SRD5A2: variants seen among roughly 807,000 people sequenced by gnomAD.
SRD5A2 encodes the protein steroid 5 alpha-reductase 2.
A neutral mutation model predicts 27.4 loss-of-function variants in SRD5A2; 30 were observed. That is an observed-to-expected ratio of 1.10 (90% CI 0.82 to 1.49). The LOEUF is 1.49. Ranked by LOEUF, SRD5A2 falls within the 40% of genes most tolerant of loss-of-function variation. The pLI is 0.00. For missense variants in SRD5A2, 348 were observed against 323.4 expected, an observed-to-expected ratio of 1.08 and a Z score of -0.58; for synonymous variants, 141 against 133.6, an observed-to-expected ratio of 1.06 and a Z score of -0.38.
chr2:31,617,877 C>T, the SRD5A2 span, among the ~76,000 whole-genome samples: 3 of 152,212 alleles, frequency 2.0e-5, no homozygotes, highest in Non-Finnish European at 4.4e-5. Flanking sequence ...TTGAGCCCTC[C>T]AAACTATTTC....
upstream of SRD5A2, among the ~76,000 whole-genome samples, chr2:31,584,752 G>A (rs1469631290): frequency 6.6e-6 from 1 of 152,194 alleles, no homozygotes; most frequent in Non-Finnish European, 1.5e-5. Context: ...GCAAGATGGT[G>A]GAATAGAAGG....
At chr2:31,610,769 G>A in the SRD5A2 span, among the ~76,000 whole-genome samples, 2 of 152,240 alleles carry the variant, frequency 1.3e-5, no homozygotes, top group East Asian at 1.9e-4. Flanking sequence ...TATAAGAACT[G>A]ATAAACAAAT....
At chr2:31,582,988 C>T (rs774783673), upstream of SRD5A2, among the ~76,000 whole-genome samples, 10 of 152,308 alleles carry the variant, frequency 6.6e-5, no homozygotes, top group Non-Finnish European at 1.5e-4. Context: ...TCCGACTCTG[C>T]CCACTTTTTG....
At chr2:31,640,243 G>T in the SRD5A2 span, among the ~76,000 whole-genome samples, 1 of 150,346 alleles carries the variant, frequency 6.7e-6, no homozygotes, top group African/African-American at 2.4e-5. Flanking sequence ...TTTTTGAATT[G>T]CTTTTCTGTG....
At position 31,556,604 on chromosome 2, in the gene SRD5A2, G is replaced by C. The variant is rs566984404; in HGVS notation, c.282-22838C>G. The stretch of plus-strand genomic sequence containing the variant: ...AGATGAAGCAAAGAGAGATGTGACC[G>C]CAAGCCAAGGAATGCCAATAGCCAC... On this transcript the variant is annotated intron_variant, in intron 1 of 4. Coordinates refer to ENST00000622030, the MANE Select transcript of SRD5A2 (RefSeq NM_000348.4). 1.7e-4 allele frequency among the ~76,000 whole-genome samples: 26 copies of C among 152,246 alleles called. 2 individuals are homozygous for C. The South Asian group carries it at 3.7e-3, about 22-fold the overall frequency.
At chr2:31,633,592 T>C in the SRD5A2 span, among the ~76,000 whole-genome samples, 1 of 152,198 alleles carries the variant, frequency 6.6e-6, no homozygotes, top group South Asian at 2.1e-4. Flanking sequence ...GGCCTGCTAT[T>C]CCATACTCCG....
intron 1 of SRD5A2, among the ~76,000 whole-genome samples, chr2:31,548,194 C>A (rs1666303307): frequency 6.6e-6 from 1 of 152,076 alleles, no homozygotes; most frequent in Non-Finnish European, 1.5e-5. Flanking sequence ...GCAGTGATTT[C>A]TTGGATATGC....
At chr2:31,621,889 C>T in the SRD5A2 span, among the ~76,000 whole-genome samples, 1 of 152,018 alleles carries the variant, frequency 6.6e-6, no homozygotes, top group Non-Finnish European at 1.5e-5. Flanking sequence ...GTAATTCTCC[C>T]ACCCCCGCCT....
chr2:31,531,574 T>C (rs368057760), intron 2 of SRD5A2, 102 bp from the exon 3 acceptor site: 205 of 589,680 alleles, frequency 3.5e-4, no homozygotes, highest in Middle Eastern at 9.9e-4. Flanking sequence ...GCATTTAATT[T>C]CTAAATCTAA....
intron 1 of SRD5A2, among the ~76,000 whole-genome samples, chr2:31,558,734 C>A (rs1474959468): frequency 6.6e-6 from 1 of 152,048 alleles, no homozygotes; most frequent in Admixed American, 6.6e-5. Context: ...TTATTGTACC[C>A]CAATTGCCTA....
At chr2:31,571,838 G>A (rs887638858) in intron 1 of SRD5A2, among the ~76,000 whole-genome samples, 1 of 152,144 alleles carries the variant, frequency 6.6e-6, no homozygotes, top group East Asian at 1.9e-4. Context: ...ACATCAATCA[G>A]AATAGCTACT....
chr2:31,646,460 T>G, the SRD5A2 span, among the ~76,000 whole-genome samples: 2 of 151,884 alleles, frequency 1.3e-5, no homozygotes, highest in Admixed American at 1.3e-4. Context: ...TCAGGAAAAA[T>G]GAAGGAGGAA....
the SRD5A2 span, among the ~76,000 whole-genome samples, chr2:31,594,990 T>C: frequency 6.6e-6 from 1 of 152,122 alleles, no homozygotes; most frequent in African/African-American, 2.4e-5. Context: ...AAACGGAAAT[T>C]TTTTAAATTC....
chr2:31,635,604 G>C, the SRD5A2 span, among the ~76,000 whole-genome samples: 1 of 151,864 alleles, frequency 6.6e-6, no homozygotes, highest in African/African-American at 2.4e-5. Context: ...CTGTACTTTT[G>C]AGGTGTTATG....
chr2:31,642,908 G>A, the SRD5A2 span, among the ~76,000 whole-genome samples: 1 of 151,934 alleles, frequency 6.6e-6, no homozygotes, highest in African/African-American at 2.4e-5. Context: ...TAGACATTAT[G>A]CTATGTATGC....
rs958009958 is a variant in SRD5A2 at position 31,523,821 on chromosome 2, C to G, written c.*2375G>C. The G allele has an allele frequency of 5.9e-5, 13 of 220,338 alleles. No homozygotes were observed. The East Asian group carries it at 8.7e-4, about 15-fold the overall frequency. 13.6% of individuals were successfully genotyped at this position (220,338 alleles called of 1,614,324 possible). A position where few individuals can be genotyped will look rare whatever the true frequency, so the allele number is the denominator to read the frequency against. ...ACCTTTACTGTATTTAATCCACATA[C>G]ATATCCTAGCCCTAAACAATGACAA... is the stretch of plus-strand genomic sequence containing the variant. On this transcript the variant is annotated 3_prime_UTR_variant, in exon 5 of 5. Transcript: ENST00000622030.
the SRD5A2 span, among the ~76,000 whole-genome samples, chr2:31,632,257 T>A: frequency 6.6e-6 from 1 of 152,032 alleles, no homozygotes; most frequent in Admixed American, 6.6e-5. Flanking sequence ...ACTGCTTGAG[T>A]CATGGCCCTC....
chr2:31,547,643 C>G (rs990118005), intron 1 of SRD5A2, among the ~76,000 whole-genome samples: 1 of 152,164 alleles, frequency 6.6e-6, no homozygotes, highest in Non-Finnish European at 1.5e-5. Context: ...AGGACTTGCA[C>G]CAGCAATTCT....
At chr2:31,571,172 A>G (rs928114999) in intron 1 of SRD5A2, among the ~76,000 whole-genome samples, 1 of 152,210 alleles carries the variant, frequency 6.6e-6, no homozygotes, top group Non-Finnish European at 1.5e-5. Context: ...ACAAAAACAG[A>G]CATATAGACC....
Sources: allele counts gnomAD v4.1 joint callset (sites outside exome capture counted in the v4.1 genomes callset), GRCh38; gene constraint gnomAD v4.1.1; transcripts MANE v1.5; gene names NCBI Gene and HGNC (gene_info 2026-07-23, HGNC 2026-07-21).